CFHR4: variants seen among roughly 807,000 people sequenced by gnomAD.
CFHR4 encodes the protein complement factor H-related protein 4.
Under a neutral mutation model 69.3 loss-of-function variants are expected in CFHR4, and 64 were observed. The ratio of observed to expected loss-of-function variants is 0.92; its 90% CI spans 0.76 to 1.14. The LOEUF is 1.14. Among genes scored for constraint, CFHR4 ranks in the 50% most tolerant of loss-of-function variants. The pLI, the probability that CFHR4 is intolerant of heterozygous loss-of-function variation, is 0.00. For synonymous variants in CFHR4, 244 were observed against 237.0 expected (o/e 1.03, Z -0.27); for missense variants, 636 against 684.9 (o/e 0.93, Z 0.80).
rs75774768 is a variant in CFHR4 at position 196,914,548 on chromosome 1, C to A, written c.1234C>A (p.Arg412=). The A allele has an allele frequency of 2.1e-3, 3,364 of 1,608,632 alleles. 42 individuals carry two copies. The highest frequency in any genetic ancestry group is 2.7e-3 in the Non-Finnish European group (3,144 of 1,177,702). The change falls in exon 8 of 10, where the codon CGG becomes AGG. Residue 412 remains arginine (R), a synonymous_variant. Coordinates refer to ENST00000608469, the MANE Select transcript of CFHR4 (RefSeq NM_001201550.3). ...ENSRAKSNGM[R]FKLHDTLDYE... ...TTCCAGAGCCAAGAGTAATGGCATG[C>A]GGTTTAAGCTCCATGACACATTGGA...
rs144484287 is a variant in CFHR4 at position 196,901,810 on chromosome 1, T to A, written c.59-608T>A. 6.9e-3 allele frequency among the ~76,000 whole-genome samples: 1,038 copies of A among 151,052 alleles called. 44 individuals carry two copies. Among genetic ancestry groups the A allele is most frequent in the African/African-American group, 0.024 (995 of 40,694 alleles). Reference sequence around the variant, plus strand: ...TTATTTTCTAATCAAAATTAAAAATTAATAAAAATGCTTATTACACTCTTA... The same window carrying A: ...TTATTTTCTAATCAAAATTAAAAATAAATAAAAATGCTTATTACACTCTTA... On this transcript the variant is annotated intron_variant, in intron 1 of 9. Transcript: ENST00000608469.
At chr1:196,897,183 C>T (rs1373377630) in intron 1 of CFHR4, among the ~76,000 whole-genome samples, 2 of 151,554 alleles carry the variant, frequency 1.3e-5, no homozygotes, top group African/African-American at 2.4e-5. Flanking sequence ...ATTCCCCTCG[C>T]AGGACGTGCG....
intron 5 of CFHR4, 137 bp from the exon 6 acceptor site, chr1:196,910,144 T>A (rs1467025395): frequency 5.1e-6 from 3 of 585,740 alleles, no homozygotes; most frequent in Admixed American, 6.6e-5. Flanking sequence ...AGAGCGAAAT[T>A]TCATCTAAAA....
At chr1:196,902,666 G>C in intron 2 of CFHR4, 51 bp downstream of exon 2, 5 of 1,311,274 alleles carry the variant, frequency 3.8e-6, no homozygotes, top group African/African-American at 1.5e-5. Context: ...AAAAGAGTGA[G>C]AGAACAGCAA....
intron 1 of CFHR4, among the ~76,000 whole-genome samples, chr1:196,891,883 C>A (rs1231867164): frequency 2.0e-5 from 3 of 151,090 alleles, no homozygotes; most frequent in Non-Finnish European, 1.5e-5. Context: ...TAATATGTCT[C>A]ACCTGATACA....
At chr1:196,909,351 AT>A (rs2124962986) in intron 5 of CFHR4, among the ~76,000 whole-genome samples, 1 of 151,694 alleles carries the variant, frequency 6.6e-6, no homozygotes, top group South Asian at 2.1e-4. Context: ...CTTATGAAAA[AT>A]ATTACATATA....
intron 6 of CFHR4, among the ~76,000 whole-genome samples, chr1:196,911,187 C>CT (rs1418127468): frequency 6.6e-5 from 10 of 151,478 alleles, no homozygotes; most frequent in Non-Finnish European, 2.9e-5. Context: ...GAATATATGT[C>CT]TTTTTTATTT....
rs527879165 is a variant in CFHR4 at position 196,907,109 on chromosome 1, CAT to C, written c.616+75_616+76del. The stretch of plus-strand genomic sequence containing the variant: ...AGAAACATACATATGTATATGTACA[CAT>C]ATGTGTATGAATACATATGTGTACA... On this transcript the variant is annotated intron_variant, in intron 4 of 9. Transcript: ENST00000608469. 485 of 1,387,858 alleles carry C rather than the reference CAT, an allele frequency of 3.5e-4. 9 individuals are homozygous for C. In the African/African-American group the frequency reaches 5.3e-3, roughly 15 times the overall value. The allele number at this position is 1,387,858 out of a possible 1,614,324, so 86.0% of individuals were successfully genotyped here. A position where few individuals can be genotyped will look rare whatever the true frequency, so the allele number is the denominator to read the frequency against.
At chr1:196,915,416 T>G (rs1213196224) in intron 9 of CFHR4, among the ~76,000 whole-genome samples, 1 of 150,960 alleles carries the variant, frequency 6.6e-6, no homozygotes. Flanking sequence ...GGCAGGCAGA[T>G]CACGAGGTCA....
At chr1:196,903,196 T>A (rs964791433) in intron 2 of CFHR4, among the ~76,000 whole-genome samples, 1 of 151,398 alleles carries the variant, frequency 6.6e-6, no homozygotes, top group Non-Finnish European at 1.5e-5. Flanking sequence ...ATCTAGATAT[T>A]TAACTGGAAA....
In CFHR4 at chr1:196,917,171, A is replaced by G. The variant is rs542675848; in HGVS notation, c.1541-1039A>G. Among the ~76,000 whole-genome samples the G allele has an allele frequency of 4.9e-5, 7 of 141,756 alleles. No individual in the cohort carries two copies. The South Asian group carries it at 1.5e-3, about 31-fold the overall frequency. The allele number at this position is 141,756 out of a possible 152,430, so 93.0% of individuals were successfully genotyped here. Reference sequence around the variant, plus strand: ...GATGTATTAAAATATGATTGGGGAAATTTCTAAAGAAATGCTAATGCTAAT... The same window carrying G: ...GATGTATTAAAATATGATTGGGGAAGTTTCTAAAGAAATGCTAATGCTAAT... On this transcript the variant is annotated intron_variant, in intron 9 of 9. Coordinates refer to ENST00000608469, the MANE Select transcript of CFHR4 (RefSeq NM_001201550.3).
chr1:196,897,593 G>A (rs2124942441), intron 1 of CFHR4, among the ~76,000 whole-genome samples: 5 of 151,484 alleles, frequency 3.3e-5, no homozygotes, highest in Middle Eastern at 6.8e-3. Flanking sequence ...GATGGAGTGG[G>A]AAGGTGGTCT....
At chr1:196,913,276 T>C (rs1449847667) in intron 7 of CFHR4, among the ~76,000 whole-genome samples, 3 of 151,576 alleles carry the variant, frequency 2.0e-5, no homozygotes, top group Admixed American at 2.0e-4. Context: ...CAACTGCTTG[T>C]ATTGCATTCC....
chr1:196,889,477 T>G lies in CFHR4; in HGVS notation c.58+1269T>G, dbSNP rs1387846056. On this transcript the variant is annotated intron_variant, in intron 1 of 9. Coordinates refer to ENST00000608469, the MANE Select transcript of CFHR4 (RefSeq NM_001201550.3). ...AATAAGCTCTACTTTCTTAGTTACT[T>G]TCTCAAAAGCAGTATAAGAAAAGAA... is the stretch of plus-strand genomic sequence containing the variant. Among the ~76,000 whole-genome samples the G allele has an allele frequency of 2.6e-5, 4 of 151,624 alleles. No individual in the cohort carries two copies. The East Asian group carries it at 7.7e-4, about 29-fold the overall frequency.
intron 1 of CFHR4, among the ~76,000 whole-genome samples, chr1:196,892,602 G>C (rs893915469): frequency 6.6e-6 from 1 of 151,208 alleles, no homozygotes; most frequent in African/African-American, 2.4e-5. Context: ...CTGACTCAGA[G>C]AAAATAGCTA....
chr1:196,916,336 T>C (rs549656230), intron 9 of CFHR4, among the ~76,000 whole-genome samples: 1 of 152,054 alleles, frequency 6.6e-6, no homozygotes, highest in South Asian at 2.1e-4. Flanking sequence ...CCTATTCCTA[T>C]CACAGCTCTT....
Position 196,910,403 on chromosome 1 carries a change from G to A in CFHR4, c.922G>A (p.Val308Met). The A allele has an allele frequency of 6.2e-7, 1 of 1,612,676 alleles. No individual in the cohort carries two copies. The highest frequency in any genetic ancestry group is 1.1e-5 in the South Asian group (1 of 91,038). ...SYSYYCDQNFVTPSGSYWDYI... is the reference protein window; with the variant it reads ...SYSYYCDQNFMTPSGSYWDYI... Reference sequence around the variant, plus strand: ...CTCCTATTACTGTGACCAAAATTTTGTGACTCCTTCAGGAAGTTACTGGGA... The same window carrying A: ...CTCCTATTACTGTGACCAAAATTTTATGACTCCTTCAGGAAGTTACTGGGA... Residue 308 changes from valine to methionine, a missense_variant, in exon 6 of 10, where the codon GTG becomes ATG. This residue lies in a region of CFHR4 where 529 missense variants were observed against 533.2 expected (regional missense o/e 0.99). Coordinates refer to ENST00000608469, the MANE Select transcript of CFHR4 (RefSeq NM_001201550.3).
intron 9 of CFHR4, among the ~76,000 whole-genome samples, chr1:196,916,445 A>G (rs1658638140): frequency 6.6e-6 from 1 of 151,910 alleles, no homozygotes; most frequent in African/African-American, 2.4e-5. Flanking sequence ...CTTTATTTTG[A>G]TGCTATGCTA....
At chr1:196,905,311 C>T in intron 3 of CFHR4, 21 bp downstream of exon 3, 1 of 1,608,854 alleles carries the variant, frequency 6.2e-7, no homozygotes, top group East Asian at 2.2e-5. Context: ...TACATATTCC[C>T]ACTCAGTTTC....
Sources: allele counts gnomAD v4.1 joint callset (sites outside exome capture counted in the v4.1 genomes callset), GRCh38; gene constraint gnomAD v4.1.1; regional missense constraint gnomAD v4.1.1; transcripts MANE v1.5; gene names NCBI Gene and HGNC (gene_info 2026-07-23, HGNC 2026-07-21).